The following SLC38A10 variants were observed in gnomAD, a reference collection of about 807,000 sequenced individuals.
SLC38A10 encodes Sodium-coupled neutral amino acid transporter 10.
A neutral mutation model predicts 81.0 loss-of-function variants in SLC38A10; 53 were observed. That is an observed-to-expected ratio of 0.65 (90% CI 0.53 to 0.82). SLC38A10 has a LOEUF of 0.82. SLC38A10 is among the 40% of genes least tolerant of loss of function. SLC38A10 has a pLI of 0.00. For missense variants in SLC38A10, 1,471 were observed against 1,545.0 expected, an observed-to-expected ratio of 0.95 and a Z score of 0.80; for synonymous variants, 665 against 655.3, an observed-to-expected ratio of 1.01 and a Z score of -0.23.
chr17:81,276,085 A>C lies in SLC38A10; in HGVS notation c.796T>G (p.Ser266Ala). 1 of 1,613,930 alleles carries C rather than the reference A, an allele frequency of 6.2e-7. No individual in the cohort carries two copies. The highest frequency in any genetic ancestry group is 1.1e-5 in the South Asian group (1 of 91,082). ...TAGNVLMHFP[S>A]NLVTEMLRVG... Reference sequence around the variant, plus strand: ...CGGAGCATCTCCGTCACCAGGTTGGAGGGAAAGTGCATGAGCACGTTGCCG... The same window carrying C: ...CGGAGCATCTCCGTCACCAGGTTGGCGGGAAAGTGCATGAGCACGTTGCCG... The change falls in exon 8 of 16, where the codon TCC becomes GCC. Residue 266 changes from serine to alanine, a missense_variant. By Grantham distance (99) the Ser-to-Ala change is moderately conservative. Around this residue, in one of 2 missense-constraint regions of SLC38A10, gnomAD observed 720 missense variants for 827.7 expected, o/e 0.87. Coordinates refer to ENST00000374759, the MANE Select transcript of SLC38A10 (RefSeq NM_001037984.3). This position sits in a 1 kb window ranked among gnomAD's most constrained non-coding sequence, Gnocchi z 4.7.
chr17:81,291,175 A>G (rs141517528), intron 1 of SLC38A10, among the ~76,000 whole-genome samples: 1 of 152,040 alleles, frequency 6.6e-6, no homozygotes, highest in African/African-American at 2.4e-5. Flanking sequence ...CTGTAGACTT[A>G]AAACTGCTCA....
chr17:81,276,067 T>C lies in SLC38A10; in HGVS notation c.814A>G (p.Met272Val). 8 of 1,613,922 alleles carry C rather than the reference T, an allele frequency of 5.0e-6. No individual in the cohort carries two copies. The highest frequency in any genetic ancestry group is 6.8e-6 in the Non-Finnish European group (8 of 1,180,014). ...GACATCATGAAGCCCACACGGAGCA[T>C]CTCCGTCACCAGGTTGGAGGGAAAG... ...MHFPSNLVTE[M>V]LRVGFMMSVA... is the part of the protein sequence containing the mutation. The change falls in exon 8 of 16, where the codon ATG becomes GTG. Residue 272 changes from methionine (M) to valine (V), a missense_variant. Coordinates refer to ENST00000374759, the MANE Select transcript of SLC38A10 (RefSeq NM_001037984.3). The surrounding 1 kb of genome is among the most constrained non-coding windows in gnomAD (Gnocchi z 4.7).
chr17:81,253,615 AT>A lies in SLC38A10; in HGVS notation c.1289-376del, dbSNP rs1242699006. 6.6e-6 allele frequency among the ~76,000 whole-genome samples: 1 copy of A among 151,136 alleles called. No individual in the cohort carries two copies. Among genetic ancestry groups the A allele is most frequent in the Non-Finnish European group, 1.5e-5 (1 of 67,772 alleles). On this transcript the variant is annotated intron_variant, in intron 11 of 15. Coordinates refer to ENST00000374759, the MANE Select transcript of SLC38A10 (RefSeq NM_001037984.3). The surrounding 1 kb of genome is among the most constrained non-coding windows in gnomAD (Gnocchi z 4.1). ...CACCACCACCACCACCATCACCGCT[AT>A]CATCACCATCATCTCCATCCCTACC...
rs2146935793 is a variant in SLC38A10 at position 81,276,498 on chromosome 17, T to C, written c.730-347A>G. 6.6e-6 allele frequency among the ~76,000 whole-genome samples: 1 copy of C among 151,842 alleles called. No homozygotes were observed. The highest frequency in any genetic ancestry group is 1.9e-4 in the East Asian group (1 of 5,142). On this transcript the variant is annotated intron_variant, in intron 7 of 15. Transcript: ENST00000374759. The surrounding 1 kb of genome is among the most constrained non-coding windows in gnomAD (Gnocchi z 4.7). ...CCTCCCCGGTCCTGGTTCAAGCAAT[T>C]CTCCTGCCTCAGCCTCCCGAGTAGC...
chr17:81,246,168 C>T lies in SLC38A10; in HGVS notation c.2748G>A (p.Gly916=), dbSNP rs989738622. Residue 916 remains glycine (G), a synonymous_variant, in exon 16 of 16, where the codon GGG becomes GGA. Coordinates refer to ENST00000374759, the MANE Select transcript of SLC38A10 (RefSeq NM_001037984.3). ...ILKEANWLVA[G]PGAETGDPRM... The stretch of plus-strand genomic sequence containing the variant: ...GAGGGTCCCCCGTCTCTGCTCCTGG[C>T]CCTGCCACGAGCCAGTTGGCTTCCT... The T allele has an allele frequency of 6.2e-7, 1 of 1,612,124 alleles. No homozygotes were observed. Among genetic ancestry groups the T allele is most frequent in the African/African-American group, 1.3e-5 (1 of 75,076 alleles).
intron 15 of SLC38A10, 102 bp from the exon 16 acceptor site, chr17:81,246,775 C>G: frequency 2.0e-6 from 3 of 1,498,728 alleles, no homozygotes; most frequent in Non-Finnish European, 2.7e-6. Flanking sequence ...GAACCAAAAC[C>G]AGACTCACGC....
At chr17:81,266,593 T>G in intron 10 of SLC38A10, among the ~76,000 whole-genome samples, 1 of 141,862 alleles carries the variant, frequency 7.0e-6, no homozygotes, top group Admixed American at 7.5e-5. Context: ...CACTCCAGCC[T>G]GGGCGACAGA....
intron 13 of SLC38A10, 199 bp from the exon 14 acceptor site, chr17:81,251,811 G>C (rs1405878335): frequency 1.7e-5 from 10 of 586,394 alleles, no homozygotes; most frequent in African/African-American, 3.8e-5. Flanking sequence ...TCATAGGCTT[G>C]TGGCAATGAG....
Position 81,272,622 on chromosome 17 carries a change from T to C in SLC38A10, c.918A>G (p.Lys306=), listed in dbSNP as rs756328468. ...AGCCCCCTGCTGCAAAGGTGCCATC[T>C]TTTTGCTGTACAAAAGAAAAACAAA... is the stretch of plus-strand genomic sequence containing the variant. ...LSTLLCEQQQ[K]DGTFAAGGYM... The change falls in exon 9 of 16, where the codon AAA becomes AAG. Residue 306 remains lysine, a synonymous_variant. Transcript: ENST00000374759. The C allele has an allele frequency of 6.5e-6, 10 of 1,545,438 alleles. No individual in the cohort carries two copies. The Admixed American group carries it at 1.1e-4, about 17-fold the overall frequency.
rs1484245442 is a variant in SLC38A10 at position 81,265,527 on chromosome 17, C to T, written c.1132-5133G>A. ...TTTTTCACGTCTTTCTCCAGCACAG[C>T]CTTGATTCACCTACTACACAGGTGT... On this transcript the variant is annotated intron_variant, in intron 10 of 15. Transcript: ENST00000374759. The surrounding 1 kb of genome is among the most constrained non-coding windows in gnomAD (Gnocchi z 4.2). The T allele has an allele frequency of 6.6e-6, 1 of 152,008 alleles. No individual in the cohort carries two copies. Among genetic ancestry groups the T allele is most frequent in the Non-Finnish European group, 1.5e-5 (1 of 68,090 alleles). The allele number at this position is 152,008 out of a possible 1,614,324, so 9.4% of individuals were successfully genotyped here.
chr17:81,279,949 A>G (rs2063195047), intron 6 of SLC38A10: 1 of 299,312 alleles, frequency 3.3e-6, no homozygotes, highest in African/African-American at 2.2e-5. Flanking sequence ...TTAGTTTACG[A>G]TTGGCTCAAT....
chr17:81,276,204 GCA>G lies in SLC38A10; in HGVS notation c.730-55_730-54del. Reference sequence around the variant, plus strand: ...GGCAGACAGACATCCTAGCCGAGTGGCACCTGTCACAGTGGGCAGGGCATGGG... The same window carrying G: ...GGCAGACAGACATCCTAGCCGAGTGGCCTGTCACAGTGGGCAGGGCATGGG... On this transcript the variant is annotated intron_variant, in intron 7 of 15. Transcript: ENST00000374759. This position sits in a 1 kb window ranked among gnomAD's most constrained non-coding sequence, Gnocchi z 4.7. 6.6e-7 allele frequency: 1 copy of G among 1,513,308 alleles called. No homozygotes were observed. The highest frequency in any genetic ancestry group is 8.9e-7 in the Non-Finnish European group (1 of 1,121,626). The allele number at this position is 1,513,308 out of a possible 1,614,324, so 93.7% of individuals were successfully genotyped here. A position where few individuals can be genotyped will look rare whatever the true frequency, so the allele number is the denominator to read the frequency against.
At chr17:81,251,037 C>T (rs934716151) in intron 14 of SLC38A10, 11 of 1,429,910 alleles carry the variant, frequency 7.7e-6, no homozygotes, top group Middle Eastern at 4.8e-4. Context: ...CCAGGGCGGG[C>T]ACAGCCACCC....
rs935483371 is a variant in SLC38A10 at position 81,277,657 on chromosome 17, G to A, written c.627-524C>T. On this transcript the variant is annotated intron_variant, in intron 6 of 15. Transcript: ENST00000374759. The surrounding 1 kb of genome is among the most constrained non-coding windows in gnomAD (Gnocchi z 4.5). The stretch of plus-strand genomic sequence containing the variant: ...CTTGTGTGATGAGAAAACTGGCTTC[G>A]GTCCCACAGCCTGGTGCCAGGAGTG... Among the ~76,000 whole-genome samples, 2 of 152,212 alleles carry A rather than the reference G, an allele frequency of 1.3e-5. No individual in the cohort carries two copies. Among genetic ancestry groups the A allele is most frequent in the African/African-American group, 2.4e-5 (1 of 41,450 alleles).
rs374319971 is a variant in SLC38A10 at position 81,251,268 on chromosome 17, G to A, written c.2065+225C>T. On this transcript the variant is annotated intron_variant, in intron 14 of 15. Transcript: ENST00000374759. Reference sequence around the variant, plus strand: ...TAATCACAAGCCATGTGACGATGCCGCAGGTGTTTAAAGGGGAGTAAGGCA... The same window carrying A: ...TAATCACAAGCCATGTGACGATGCCACAGGTGTTTAAAGGGGAGTAAGGCA... The A allele has an allele frequency of 1.6e-5, 23 of 1,474,542 alleles. No individual in the cohort carries two copies. The African/African-American group carries it at 2.3e-4, about 14-fold the overall frequency. The allele number at this position is 1,474,542 out of a possible 1,614,324, so 91.3% of individuals were successfully genotyped here.
chr17:81,247,206 G>T, intron 14 of SLC38A10, 145 bp from the exon 15 acceptor site: 1 of 825,878 alleles, frequency 1.2e-6, no homozygotes, highest in East Asian at 2.8e-5. Context: ...CACCCATCAT[G>T]ACTGTGACCG....
In SLC38A10 at chr17:81,246,540, A is replaced by C; in HGVS notation, c.2376T>G (p.Pro792=). Residue 792 remains proline (P), a synonymous_variant, in exon 16 of 16, where the codon CCT becomes CCG. Coordinates refer to ENST00000374759, the MANE Select transcript of SLC38A10 (RefSeq NM_001037984.3). ...GCTGGTTAAGGTCCTGGGATGGAGC[A>C]GGGCGGCCCCCAGGAGCTCTGAGGA... The part of the protein sequence containing the change: ...DPVLRAPGGR[P]APSQDLNQRS... 2 of 1,519,104 alleles carry C rather than the reference A, an allele frequency of 1.3e-6. No individual in the cohort carries two copies. The highest frequency in any genetic ancestry group is 1.8e-6 in the Non-Finnish European group (2 of 1,135,238). The allele number at this position is 1,519,104 out of a possible 1,614,324, so 94.1% of individuals were successfully genotyped here.
rs548974862 is a variant in SLC38A10, at chr17:81,281,741, A to G, written c.501+448T>C. Among the ~76,000 whole-genome samples the G allele has an allele frequency of 3.7e-4, 57 of 152,068 alleles. No homozygotes were observed. The highest frequency in any genetic ancestry group is 1.3e-3 in the African/African-American group (53 of 41,390). On this transcript the variant is annotated intron_variant, in intron 5 of 15. Transcript: ENST00000374759. The surrounding 1 kb of genome is among the most constrained non-coding windows in gnomAD (Gnocchi z 5.3). ...CAGTGAGCCGAGATTGCGCCACTGC[A>G]CTCCAGCCTGGGCGACAAAGTGAGA...
intron 3 of SLC38A10, among the ~76,000 whole-genome samples, chr17:81,284,593 A>T (rs576177192): frequency 2.0e-5 from 3 of 152,184 alleles, no homozygotes; most frequent in Non-Finnish European, 4.4e-5. Flanking sequence ...TTTGAGGGGT[A>T]GGTGAGGTGC....
Sources: allele counts gnomAD v4.1 joint callset (sites outside exome capture counted in the v4.1 genomes callset), GRCh38; gene constraint gnomAD v4.1.1; regional missense constraint gnomAD v4.1.1; non-coding constraint Gnocchi (gnomAD v3.1); transcripts MANE v1.5; gene names NCBI Gene and HGNC (gene_info 2026-07-23, HGNC 2026-07-21).